The following ZNF124 variants were observed in gnomAD, a reference collection of about 807,000 sequenced individuals.
ZNF124 encodes zinc finger protein HZF-16.
ZNF124 carries 25 observed loss-of-function variants against 26.6 expected under a neutral mutation model. That is an observed-to-expected ratio of 0.94 (90% confidence interval 0.68 to 1.31). The LOEUF (loss-of-function observed/expected upper bound fraction) is 1.31, where lower values mean the gene tolerates loss of function less well. ZNF124 is among the 40% of genes most tolerant of loss of function. ZNF124 has a pLI of 0.00. For synonymous variants in ZNF124, 129 were observed against 133.3 expected (o/e 0.97, Z 0.22); for missense variants, 444 against 422.2 (o/e 1.05, Z -0.45).
chr1:247,168,813 C>T lies in ZNF124; in HGVS notation c.30+3035G>A, dbSNP rs2103139328. 6.6e-6 allele frequency among the ~76,000 whole-genome samples: 1 copy of T among 150,698 alleles called. No homozygotes were observed. The highest frequency in any genetic ancestry group is 1.5e-5 in the Non-Finnish European group (1 of 67,696). ...AAGTGGGAGCTAAGCTATGAGGTTA[C>T]AAAGGCATAAGAATGATATAATGGA... On this transcript the variant is annotated intron_variant, in intron 1 of 3. Transcript: ENST00000543802. The surrounding 1 kb of genome is among the most constrained non-coding windows in gnomAD (Gnocchi z 4.0).
At chr1:247,138,143 G>A (rs1672532425) in intron 3 of ZNF124, 1 of 152,082 alleles carries the variant, frequency 6.6e-6, no homozygotes, top group South Asian at 2.1e-4. Context: ...CTACTATAAA[G>A]ACACGTGCAC....
At chr1:247,167,233 A>G (rs1264591605) in intron 1 of ZNF124, among the ~76,000 whole-genome samples, 3 of 152,226 alleles carry the variant, frequency 2.0e-5, no homozygotes, top group African/African-American at 7.2e-5. Context: ...AGAGCGGTAG[A>G]GAACCTCTGC....
intron 3 of ZNF124, among the ~76,000 whole-genome samples, chr1:247,131,387 G>A (rs756983537): frequency 1.3e-5 from 2 of 152,162 alleles, no homozygotes; most frequent in Non-Finnish European, 2.9e-5. Flanking sequence ...GATTCTTACA[G>A]CCTTTCAGCT....
intron 3 of ZNF124, among the ~76,000 whole-genome samples, chr1:247,144,196 C>T (rs960748193): frequency 5.3e-5 from 8 of 152,180 alleles, no homozygotes; most frequent in Non-Finnish European, 7.3e-5. Context: ...GTTTACTCTG[C>T]GGGTTTCGGG....
intron 1 of ZNF124, 97 bp from the exon 2 acceptor site, chr1:247,159,910 C>A: frequency 5.9e-6 from 8 of 1,347,612 alleles, no homozygotes; most frequent in East Asian, 3.4e-5. Flanking sequence ...CTGTGGCGAA[C>A]ATTTATTCTA....
intron 3 of ZNF124, among the ~76,000 whole-genome samples, chr1:247,135,515 T>C (rs1357214331): frequency 6.6e-6 from 1 of 151,782 alleles, no homozygotes; most frequent in Non-Finnish European, 1.5e-5. Flanking sequence ...AATAACAAGC[T>C]CTGAAATTGA....
chr1:247,122,975 A>G (rs1416720180), exon 4 of ZNF124: 1 of 152,172 alleles, frequency 6.6e-6, no homozygotes, highest in Non-Finnish European at 1.5e-5. Flanking sequence ...TCAGCTTACT[A>G]TTTCCTCCTG....
chr1:247,139,854 G>A (rs1488670275), intron 3 of ZNF124, among the ~76,000 whole-genome samples: 2 of 152,192 alleles, frequency 1.3e-5, no homozygotes, highest in African/African-American at 4.8e-5. Flanking sequence ...GGTTTCAGCT[G>A]AGAGGTCTGC....
chr1:247,123,182 A>G (rs1672119896), exon 4 of ZNF124: 1 of 152,270 alleles, frequency 6.6e-6, no homozygotes, highest in Non-Finnish European at 1.5e-5. Context: ...CATGAGACAC[A>G]ATACACATAT....
At chr1:247,148,394 A>T (rs561123878) in intron 3 of ZNF124, among the ~76,000 whole-genome samples, 1 of 152,298 alleles carries the variant, frequency 6.6e-6, no homozygotes, top group East Asian at 1.9e-4. Flanking sequence ...TCATCACCCA[A>T]GCTGTCAAAA....
intron 1 of ZNF124, among the ~76,000 whole-genome samples, chr1:247,169,559 G>GCTGGGGGAAGTA (rs1673974326): frequency 1.3e-5 from 2 of 151,980 alleles, no homozygotes; most frequent in African/African-American, 4.8e-5. Context: ...ACCCCATCCT[G>GCTGGGGGAAGTA]CTCAGGGAAG....
At chr1:247,132,719 T>C (rs542643936) in intron 3 of ZNF124, among the ~76,000 whole-genome samples, 1 of 152,206 alleles carries the variant, frequency 6.6e-6, no homozygotes, top group African/African-American at 2.4e-5. Flanking sequence ...GGTTGTGTTA[T>C]CTATAGATTC....
At chr1:247,146,221 C>T (rs988033612) in intron 3 of ZNF124, among the ~76,000 whole-genome samples, 1 of 152,150 alleles carries the variant, frequency 6.6e-6, no homozygotes, top group African/African-American at 2.4e-5. Flanking sequence ...GAAGTGGGGG[C>T]CCCATAGAGC....
intron 1 of ZNF124, among the ~76,000 whole-genome samples, chr1:247,161,067 C>G (rs12402860): frequency 6.6e-6 from 1 of 152,198 alleles, no homozygotes; most frequent in Admixed American, 6.5e-5. Context: ...AACAGACTTT[C>G]TAGCAGTTCA....
At chr1:247,152,484 CTAAT>C (rs1441675932), downstream of ZNF124, among the ~76,000 whole-genome samples, 3 of 151,938 alleles carry the variant, frequency 2.0e-5, no homozygotes, top group South Asian at 2.1e-4. Flanking sequence ...ACAAAATAGA[CTAAT>C]TATTCCTATT....
At chr1:247,152,365 G>A (rs1313587710), downstream of ZNF124, among the ~76,000 whole-genome samples, 1 of 150,520 alleles carries the variant, frequency 6.6e-6, no homozygotes, top group East Asian at 1.9e-4. Context: ...TGAGGGAAAA[G>A]TAGAATTCTA....
In ZNF124 at chr1:247,156,866, A is replaced by G. The variant is rs41305963; in HGVS notation, c.756T>C (p.His252=). 3,471 of 1,614,200 alleles carry G rather than the reference A, an allele frequency of 2.2e-3. 24 individuals are homozygous for G. The highest frequency in any genetic ancestry group is 1.5e-3 in the Non-Finnish European group (1,728 of 1,180,038). ...GTTCTTCACCAGCATGAGCCTTTAT[A>G]TGTCCTTGCAAGGAACTGAGACAAC... The part of the protein sequence containing the change: ...AFSCLSSLQG[H]IKAHAGEEPY... Residue 252 remains histidine, a synonymous_variant, in exon 4 of 4, where the codon CAT becomes CAC. Transcript: ENST00000543802.
At chr1:247,157,564 C>T in intron 3 of ZNF124, 161 bp from the exon 4 acceptor site, 2 of 668,584 alleles carry the variant, frequency 3.0e-6, no homozygotes, top group Admixed American at 2.8e-5. Flanking sequence ...CATATGACTT[C>T]TGCAAAAAAT....
chr1:247,165,764 C>A (rs1036837166), intron 1 of ZNF124, among the ~76,000 whole-genome samples: 1 of 152,118 alleles, frequency 6.6e-6, no homozygotes, highest in African/African-American at 2.4e-5. Flanking sequence ...AGGACATGAA[C>A]ACTTTTCAAA....
Sources: allele counts gnomAD v4.1 joint callset (sites outside exome capture counted in the v4.1 genomes callset), GRCh38; gene constraint gnomAD v4.1.1; non-coding constraint Gnocchi (gnomAD v3.1); transcripts MANE v1.5; gene names NCBI Gene and HGNC (gene_info 2026-07-23, HGNC 2026-07-21).